Variants in TAF12 observed in about 807,000 individuals in gnomAD.
The protein encoded by TAF12 is TATA-box binding protein associated factor 12.
In TAF12, 3 loss-of-function variants were observed where a neutral mutation model predicts 20.8. The ratio of observed to expected loss-of-function variants is 0.14; its 90% CI spans 0.07 to 0.37. The LOEUF is 0.37. Among genes scored for constraint, TAF12 ranks in the 10% least tolerant of loss-of-function variants. The pLI is 1.00. For missense variants in TAF12, 131 were observed against 197.9 expected, an observed-to-expected ratio of 0.66 and a Z score of 2.03; for synonymous variants, 69 against 70.2, an observed-to-expected ratio of 0.98 and a Z score of 0.09.
intron 2 of TAF12, 52 bp downstream of exon 2, chr1:28,621,862 G>T: frequency 6.3e-7 from 1 of 1,593,438 alleles, no homozygotes; most frequent in South Asian, 1.2e-5. Context: ...ATTACAGATT[G>T]AAATAATAGG....
At chr1:28,615,507 C>T (rs1246847481) in intron 3 of TAF12, among the ~76,000 whole-genome samples, 5 of 151,454 alleles carry the variant, frequency 3.3e-5, no homozygotes, top group South Asian at 4.2e-4. Context: ...GGTGAAACCC[C>T]GTCTCTACTA....
chr1:28,615,085 G>A (rs1176428372), intron 3 of TAF12, among the ~76,000 whole-genome samples: 1 of 152,048 alleles, frequency 6.6e-6, no homozygotes, highest in Non-Finnish European at 1.5e-5. Context: ...CTCCAGCCTA[G>A]GTGACAGACA....
At chr1:28,621,642 C>A (rs113189236) in intron 2 of TAF12, among the ~76,000 whole-genome samples, 97 of 152,220 alleles carry the variant, frequency 6.4e-4, no homozygotes, top group African/African-American at 2.2e-3. Context: ...AAACATTGTA[C>A]ATGATAATTT....
upstream of TAF12, among the ~76,000 whole-genome samples, chr1:28,644,205 C>T (rs1668128458): frequency 6.6e-6 from 1 of 152,130 alleles, no homozygotes; most frequent in Non-Finnish European, 1.5e-5. Context: ...TGTGACAGGC[C>T]AGAGTGAGCC....
At position 28,603,371 on chromosome 1, in the gene TAF12, T is replaced by C. The variant is rs1666566882; in HGVS notation, c.*168A>G. ...CCGGAAGTTGGGGTAGGAGGCTTTA[T>C]TCTTTTGGCAGATCCTCTCAGTCAT... On this transcript the variant is annotated 3_prime_UTR_variant, in exon 6 of 6. Coordinates refer to ENST00000373824, the MANE Select transcript of TAF12 (RefSeq NM_005644.4). 2 of 660,548 alleles carry C rather than the reference T, an allele frequency of 3.0e-6. No homozygotes were observed. The highest frequency in any genetic ancestry group is 5.1e-6 in the Non-Finnish European group (2 of 395,698). The allele number at this position is 660,548 out of a possible 1,614,324, so 40.9% of individuals were successfully genotyped here.
At chr1:28,622,792 G>A (rs1047564510) in intron 1 of TAF12, among the ~76,000 whole-genome samples, 17 of 151,946 alleles carry the variant, frequency 1.1e-4, no homozygotes, top group Non-Finnish European at 1.6e-4. Context: ...AGGCCAAGGC[G>A]GGTAGATCAC....
intron 3 of TAF12, among the ~76,000 whole-genome samples, chr1:28,617,693 C>T (rs531515070): frequency 7.9e-5 from 12 of 152,016 alleles, no homozygotes; most frequent in African/African-American, 2.7e-4. Context: ...CCTTGTGATC[C>T]GCCCACCTCG....
At chr1:28,638,294 A>C (rs1332359363) in intron 1 of TAF12, among the ~76,000 whole-genome samples, 2 of 149,896 alleles carry the variant, frequency 1.3e-5, no homozygotes, top group Non-Finnish European at 3.0e-5. Context: ...GGTTCAAAGG[A>C]TTCTCCTGCC....
At chr1:28,622,589 T>C (rs972654043) in intron 1 of TAF12, among the ~76,000 whole-genome samples, 3 of 152,042 alleles carry the variant, frequency 2.0e-5, no homozygotes, top group African/African-American at 7.2e-5. Context: ...AAGAATCTTA[T>C]GTACAAAAAT....
At chr1:28,623,446 G>A (rs1483671078) in intron 1 of TAF12, among the ~76,000 whole-genome samples, 1 of 151,522 alleles carries the variant, frequency 6.6e-6, no homozygotes, top group African/African-American at 2.4e-5. Flanking sequence ...GCTTGAACTC[G>A]GGATGCAGAG....
intron 1 of TAF12, among the ~76,000 whole-genome samples, chr1:28,622,943 C>T (rs1667267035): frequency 6.7e-6 from 1 of 150,336 alleles, no homozygotes; most frequent in Non-Finnish European, 1.5e-5. Context: ...AGGACAATCA[C>T]TTGAACACAG....
At chr1:28,647,336 G>A (rs1482681876), upstream of TAF12, among the ~76,000 whole-genome samples, 1 of 151,910 alleles carries the variant, frequency 6.6e-6, no homozygotes. Flanking sequence ...CACCTAGGCT[G>A]GAGTGCAGTG....
At chr1:28,621,587 A>C (rs1667222966) in intron 2 of TAF12, among the ~76,000 whole-genome samples, 1 of 152,192 alleles carries the variant, frequency 6.6e-6, no homozygotes. Flanking sequence ...GGATGGATGG[A>C]TGTATATATG....
intron 1 of TAF12, among the ~76,000 whole-genome samples, chr1:28,629,907 TG>T (rs1667561739): frequency 6.6e-6 from 1 of 152,042 alleles, no homozygotes; most frequent in South Asian, 2.1e-4. Context: ...CCCAAATAGC[TG>T]GGGTTATATG....
At chr1:28,637,828 G>T (rs190768909) in intron 1 of TAF12, among the ~76,000 whole-genome samples, 39 of 151,982 alleles carry the variant, frequency 2.6e-4, no homozygotes, top group Non-Finnish European at 4.9e-4. Flanking sequence ...AAATATTTTA[G>T]GGCTTTCCAT....
intron 4 of TAF12, among the ~76,000 whole-genome samples, chr1:28,612,867 T>C (rs1448622543): frequency 1.3e-5 from 2 of 152,132 alleles, no homozygotes; most frequent in Non-Finnish European, 1.5e-5. Flanking sequence ...AGTACCTACA[T>C]TGACTAGATC....
At chr1:28,642,674 T>G in intron 1 of TAF12, 1 of 985,576 alleles carries the variant, frequency 1.0e-6, no homozygotes, top group African/African-American at 1.7e-5. Context: ...GCCTGTGTCT[T>G]CACGCCCCGT....
chr1:28,629,004 G>A (rs1020615395), intron 1 of TAF12, among the ~76,000 whole-genome samples: 1 of 152,220 alleles, frequency 6.6e-6, no homozygotes, highest in African/African-American at 2.4e-5. Flanking sequence ...TGGAGAGGCA[G>A]AGGTTGCAAT....
intron 1 of TAF12, among the ~76,000 whole-genome samples, chr1:28,637,202 A>C (rs1197063915): frequency 2.0e-5 from 3 of 152,144 alleles, no homozygotes; most frequent in Non-Finnish European, 4.4e-5. Context: ...GTCAGTTTCC[A>C]CATCTGTAAT....
Sources: gnomAD v4.1 joint callset for allele counts (sites outside exome capture counted in the v4.1 genomes callset) on GRCh38, gnomAD v4.1.1 for gene constraint, MANE v1.5 for transcripts, NCBI Gene and HGNC (gene_info 2026-07-23, HGNC 2026-07-21) for gene names.